The following SERINC5 variants were observed in gnomAD, a reference collection of about 807,000 sequenced individuals.
SERINC5 encodes chromosome 5 open reading frame 12.
In SERINC5, 41 loss-of-function variants were observed where a neutral mutation model predicts 63.1. The observed-to-expected ratio is 0.65, with a 90% CI of 0.51 to 0.84. The LOEUF (loss-of-function observed/expected upper bound fraction) is 0.84, where lower values mean the gene tolerates loss of function less well. SERINC5 is among the 40% of genes least tolerant of loss of function. The pLI is 0.00. For synonymous variants in SERINC5, 222 were observed against 215.2 expected (o/e 1.03, Z -0.28); for missense variants, 523 against 573.0 (o/e 0.91, Z 0.89).
At chr5:80,147,727 G>A (rs543255513) in intron 9 of SERINC5, among the ~76,000 whole-genome samples, 11 of 152,086 alleles carry the variant, frequency 7.2e-5, no homozygotes, top group African/African-American at 2.2e-4. Context: ...AATATCCCAC[G>A]CAACAAACTG....
intron 11 of SERINC5, among the ~76,000 whole-genome samples, chr5:80,119,130 C>G (rs1317507621): frequency 6.6e-6 from 1 of 152,028 alleles, no homozygotes; most frequent in African/African-American, 2.4e-5. Flanking sequence ...GGAAAAGGGC[C>G]AATAATGCCA....
chr5:80,142,251 C>G lies in SERINC5; in HGVS notation c.*1412G>C. On this transcript the variant is annotated 3_prime_UTR_variant, in exon 12 of 12. Transcript: ENST00000507668. ...TGGGTAGCTGCCGAAAGTCACGTTT[C>G]TGTATTACTTTGCAAGTACGTATTT... 1.0e-6 allele frequency: 1 copy of G among 985,444 alleles called. No homozygotes were observed. The allele number at this position is 985,444 out of a possible 1,614,324, so 61.0% of individuals were successfully genotyped here. A position where few individuals can be genotyped will look rare whatever the true frequency, so the allele number is the denominator to read the frequency against.
At position 80,121,784 on chromosome 5, in the gene SERINC5, G is replaced by C. The variant is rs75377609; in HGVS notation, c.1239-8159C>G. On this transcript the variant is annotated intron_variant, in intron 11 of 12. Coordinates refer to the SERINC5 transcript ENST00000509193. ...GGCAGAAGCAGGTGTGTCACATGGCGACAGAGAGAGAAAGAGAGGGGGAGG... is the reference window on the plus strand; with the variant it reads ...GGCAGAAGCAGGTGTGTCACATGGCCACAGAGAGAGAAAGAGAGGGGGAGG... Among the ~76,000 whole-genome samples, 208 of 152,218 alleles carry C rather than the reference G, an allele frequency of 1.4e-3. 2 individuals carry two copies. The highest frequency in any genetic ancestry group is 4.7e-3 in the African/African-American group (194 of 41,522).
At chr5:80,169,592 T>C (rs766268629) in intron 5 of SERINC5, 46 bp from the exon 6 acceptor site, 2 of 1,490,526 alleles carry the variant, frequency 1.3e-6, no homozygotes, top group Non-Finnish European at 1.8e-6. Flanking sequence ...AGAAGACAAG[T>C]CAACGAAGCC....
chr5:80,154,291 T>C (rs1268083331), intron 8 of SERINC5, among the ~76,000 whole-genome samples: 1 of 152,178 alleles, frequency 6.6e-6, no homozygotes, highest in African/African-American at 2.4e-5. Flanking sequence ...ACGATTCTCC[T>C]GTCTCAGCCT....
At chr5:80,194,612 G>A (rs1749391404) in intron 2 of SERINC5, among the ~76,000 whole-genome samples, 1 of 152,194 alleles carries the variant, frequency 6.6e-6, no homozygotes, top group Non-Finnish European at 1.5e-5. Flanking sequence ...CTTGAGCTCA[G>A]CTTTTGGTCA....
chr5:80,253,994 G>T (rs1210699018), intron 1 of SERINC5, among the ~76,000 whole-genome samples: 1 of 152,218 alleles, frequency 6.6e-6, no homozygotes, highest in East Asian at 1.9e-4. Context: ...GCAATGGCGT[G>T]ATCTCAGCTC....
chr5:80,241,263 G>A (rs1262753353), intron 1 of SERINC5, among the ~76,000 whole-genome samples: 1 of 150,962 alleles, frequency 6.6e-6, no homozygotes, highest in Non-Finnish European at 1.5e-5. Flanking sequence ...GAGGTCAGGA[G>A]ATCGAGACCA....
intron 2 of SERINC5, among the ~76,000 whole-genome samples, chr5:80,179,278 A>G (rs1269119310): frequency 6.6e-6 from 1 of 152,190 alleles, no homozygotes; most frequent in Non-Finnish European, 1.5e-5. Flanking sequence ...TAGCCTGGGC[A>G]ACAGAGTGAG....
chr5:80,252,809 C>G (rs1752489464), intron 1 of SERINC5, among the ~76,000 whole-genome samples: 1 of 152,138 alleles, frequency 6.6e-6, no homozygotes, highest in African/African-American at 2.4e-5. Context: ...CACCAGTCCT[C>G]ATTGTCCAGA....
Position 80,203,019 on chromosome 5 carries a change from A to G in SERINC5, c.62T>C (p.Leu21Pro), listed in dbSNP as rs781440393. The G allele has an allele frequency of 1.6e-5, 25 of 1,612,622 alleles. No homozygotes were observed. The highest frequency in any genetic ancestry group is 2.0e-5 in the Non-Finnish European group (24 of 1,179,204). Residue 21 changes from leucine to proline, a missense_variant, in exon 2 of 12, where the codon CTC (leucine) becomes CCC (proline). Physicochemically the swap from Leu to Pro is moderately conservative, Grantham distance 98. Transcript: ENST00000507668. ...AATCCTGGGGCAGCAATCACAGCAG[A>G]GAGAGCAGCCTGCAGACCCACAGCA... ...ACCCGSAGCS[L>P]CCDCCPRIRQ...
intron 1 of SERINC5, among the ~76,000 whole-genome samples, chr5:80,204,009 C>G (rs1750024647): frequency 1.3e-5 from 2 of 152,216 alleles, no homozygotes; most frequent in Non-Finnish European, 2.9e-5. Flanking sequence ...TTCAGAGCTT[C>G]CAGTTTGGTG....
chr5:80,202,742 G>C (rs1028008763), intron 2 of SERINC5, 144 bp downstream of exon 2: 12 of 641,848 alleles, frequency 1.9e-5, no homozygotes, highest in African/African-American at 1.3e-4. Context: ...GGAAAGCATA[G>C]AGCAGGCTTC....
intron 1 of SERINC5, among the ~76,000 whole-genome samples, chr5:80,219,472 A>ATAGG (rs1750806598): frequency 6.6e-6 from 1 of 152,122 alleles, no homozygotes; most frequent in Admixed American, 6.5e-5. Context: ...GAAGGAACGA[A>ATAGG]TAGGTGTGTG....
chr5:80,116,257 A>G (rs1561344682), intron 11 of SERINC5: 2 of 455,122 alleles, frequency 4.4e-6, no homozygotes, highest in Middle Eastern at 3.2e-4. Context: ...GGGGCCAGAG[A>G]TGTTTCCATC....
At chr5:80,248,049 TC>T (rs1217841105) in intron 1 of SERINC5, among the ~76,000 whole-genome samples, 2 of 151,894 alleles carry the variant, frequency 1.3e-5, no homozygotes, top group African/African-American at 4.8e-5. Flanking sequence ...ACAGGGTTTC[TC>T]CATGTTGCCC....
At chr5:80,191,653 G>T in intron 2 of SERINC5, among the ~76,000 whole-genome samples, 1 of 141,634 alleles carries the variant, frequency 7.1e-6, no homozygotes, top group African/African-American at 2.7e-5. Flanking sequence ...ACAGGGCAAG[G>T]CCCTGTCTCT....
intron 1 of SERINC5, among the ~76,000 whole-genome samples, chr5:80,228,192 G>A (rs1224891733): frequency 1.4e-5 from 2 of 144,646 alleles, no homozygotes; most frequent in African/African-American, 5.1e-5. Context: ...CTATGATTTC[G>A]GCACTACACT....
At chr5:80,245,068 C>A (rs1752111528) in intron 1 of SERINC5, among the ~76,000 whole-genome samples, 1 of 152,218 alleles carries the variant, frequency 6.6e-6, no homozygotes, top group African/African-American at 2.4e-5. Flanking sequence ...ACCCTCCAGG[C>A]AGGCTCTACC....
Sources: gnomAD v4.1 joint callset for allele counts (sites outside exome capture counted in the v4.1 genomes callset) on GRCh38, gnomAD v4.1.1 for gene constraint, MANE v1.5 for transcripts, NCBI Gene and HGNC (gene_info 2026-07-23, HGNC 2026-07-21) for gene names.